HS6ST3: variants seen among roughly 807,000 people sequenced by gnomAD.
HS6ST3 encodes heparan-sulfate 6-O-sulfotransferase 3.
A neutral mutation model predicts 36.7 loss-of-function variants in HS6ST3; 12 were observed. That is an observed-to-expected ratio of 0.33 (90% CI 0.21 to 0.53). HS6ST3 has a LOEUF of 0.53. Among genes scored for constraint, HS6ST3 ranks in the 20% least tolerant of loss-of-function variants. The pLI is 0.95. For missense variants in HS6ST3, 584 were observed against 640.9 expected (o/e 0.91, Z 0.96); for synonymous variants, 240 against 257.5 (o/e 0.93, Z 0.65).
rs1008406360 is a variant in HS6ST3 at position 96,119,368 on chromosome 13, A to G, written c.707+27799A>G. 2.0e-5 allele frequency among the ~76,000 whole-genome samples: 3 copies of G among 152,174 alleles called. 1 individual carries two copies. Among genetic ancestry groups the G allele is most frequent in the Admixed American group, 2.0e-4 (3 of 15,276 alleles). ...GTGATGTTTTACTCAAATGCTTTCTAAGTACACTGATGATTATAGTATCTC... is the reference window on the plus strand; with the variant it reads ...GTGATGTTTTACTCAAATGCTTTCTGAGTACACTGATGATTATAGTATCTC... On this transcript the variant is annotated intron_variant, in intron 1 of 1. Coordinates refer to ENST00000376705, the MANE Select transcript of HS6ST3 (RefSeq NM_153456.4).
At chr13:96,762,574 G>A (rs1482765910) in intron 1 of HS6ST3, among the ~76,000 whole-genome samples, 7 of 152,296 alleles carry the variant, frequency 4.6e-5, no homozygotes, top group Non-Finnish European at 1.0e-4. Flanking sequence ...GGAAGGTGAT[G>A]GCTTCAGTTG....
rs573596772 is a variant in HS6ST3, at chr13:96,307,863, C to T, written c.707+216294C>T. On this transcript the variant is annotated intron_variant, in intron 1 of 1. Coordinates refer to ENST00000376705, the MANE Select transcript of HS6ST3 (RefSeq NM_153456.4). ...AGCTTGATTTGATTAATTATGCTTA[C>T]AAGCTGTTAGAGTGGGGGAAAAAGA... is the stretch of plus-strand genomic sequence containing the variant. 1.3e-4 allele frequency among the ~76,000 whole-genome samples: 20 copies of T among 152,160 alleles called. 1 individual carries two copies. The highest frequency in any genetic ancestry group is 4.6e-4 in the African/African-American group (19 of 41,538).
Position 96,495,245 on chromosome 13 carries a change from C to T in HS6ST3, c.708-337245C>T, listed in dbSNP as rs947928033. Among the ~76,000 whole-genome samples, 47 of 152,116 alleles carry T rather than the reference C, an allele frequency of 3.1e-4. 1 individual carries two copies. Among genetic ancestry groups the T allele is most frequent in the South Asian group, 2.1e-4 (1 of 4,828 alleles). ...TAACGAAAAGAGAACTCTTCTCTTT[C>T]GATACTGGCATAGAGGATGCCATAT... On this transcript the variant is annotated intron_variant, in intron 1 of 1. Transcript: ENST00000376705.
chr13:96,137,961 A>G (rs1236764305), intron 1 of HS6ST3, among the ~76,000 whole-genome samples: 1 of 152,226 alleles, frequency 6.6e-6, no homozygotes, highest in East Asian at 1.9e-4. Context: ...TAAAATGCTG[A>G]TAAGTAAGTG....
At chr13:96,332,058 C>T (rs1437080287) in intron 1 of HS6ST3, among the ~76,000 whole-genome samples, 1 of 152,314 alleles carries the variant, frequency 6.6e-6, no homozygotes, top group East Asian at 1.9e-4. Context: ...GGTGCACGCA[C>T]CCACTGACCT....
At chr13:96,246,275 T>G (rs1033933254) in intron 1 of HS6ST3, among the ~76,000 whole-genome samples, 1 of 152,096 alleles carries the variant, frequency 6.6e-6, no homozygotes, top group African/African-American at 2.4e-5. Flanking sequence ...GAAACGAGAT[T>G]CTCTTACTTA....
At chr13:96,280,010 T>G (rs2054767632) in intron 1 of HS6ST3, among the ~76,000 whole-genome samples, 1 of 152,206 alleles carries the variant, frequency 6.6e-6, no homozygotes, top group Non-Finnish European at 1.5e-5. Context: ...TCCTGTGGCT[T>G]CAACTGTATG....
intron 1 of HS6ST3, among the ~76,000 whole-genome samples, chr13:96,591,423 G>T (rs907818001): frequency 6.6e-6 from 1 of 151,886 alleles, no homozygotes; most frequent in African/African-American, 2.4e-5. Context: ...CTTTGGTTAA[G>T]TTAATTTCTA....
In HS6ST3 at chr13:96,799,980, A is replaced by ATGTATATATATATGTG. The variant is rs1566456830; in HGVS notation, c.708-32497_708-32496insGTGTGTATATATATAT. ...TATATATATGTGTATATATATATAT[A>ATGTATATATATATGTG]TGTATATATATATATATGTATATAT... On this transcript the variant is annotated intron_variant, in intron 1 of 1. Coordinates refer to ENST00000376705, the MANE Select transcript of HS6ST3 (RefSeq NM_153456.4). 3.5e-3 allele frequency among the ~76,000 whole-genome samples: 267 copies of ATGTATATATATATGTG among 76,604 alleles called. 13 individuals are homozygous for ATGTATATATATATGTG. Among genetic ancestry groups the ATGTATATATATATGTG allele is most frequent in the African/African-American group, 0.019 (260 of 13,744 alleles). 50.3% of individuals were successfully genotyped at this position (76,604 alleles called of 152,430 possible).
At chr13:96,658,265 C>CTTTTTTTTTTTTT in intron 1 of HS6ST3, among the ~76,000 whole-genome samples, 1 of 67,288 alleles carries the variant, frequency 1.5e-5, no homozygotes, top group East Asian at 6.1e-4. Context: ...TTCTCTTCTT[C>CTTTTTTTTTTTTT]TTCTTTTTTT....
intron 1 of HS6ST3, among the ~76,000 whole-genome samples, chr13:96,316,257 CTGTGTGTG>C (rs10534465): frequency 0.039 from 5,732 of 147,246 alleles, 166 homozygotes; most frequent in African/African-American, 0.08. Flanking sequence ...CTACATACAC[CTGTGTGTG>C]TGTGTGTGTG....
At chr13:96,350,667 C>T (rs1010362504) in intron 1 of HS6ST3, among the ~76,000 whole-genome samples, 11 of 152,148 alleles carry the variant, frequency 7.2e-5, no homozygotes, top group African/African-American at 2.4e-4. Flanking sequence ...GATCCTTTTA[C>T]TTTACCTAGT....
At chr13:96,572,387 T>C (rs1346080880) in intron 1 of HS6ST3, among the ~76,000 whole-genome samples, 1 of 152,214 alleles carries the variant, frequency 6.6e-6, no homozygotes, top group Non-Finnish European at 1.5e-5. Context: ...AAGTTTGAAA[T>C]AAATGAGATT....
chr13:96,428,557 C>T (rs564700166), intron 1 of HS6ST3, among the ~76,000 whole-genome samples: 1 of 152,084 alleles, frequency 6.6e-6, no homozygotes, highest in Non-Finnish European at 1.5e-5. Context: ...CTAACCTCCT[C>T]TTCTCAAAAG....
In HS6ST3 at chr13:96,090,877, C is replaced by G; in HGVS notation, c.15C>G (p.Phe5Leu). MDER[F>L]NKWLLTPVLT... ...AGAGCGGGACCATGGATGAAAGGTT[C>G]AACAAGTGGCTGCTGACGCCGGTGC... The change falls in exon 1 of 2, where the codon TTC becomes TTG. Residue 5 changes from phenylalanine to leucine, a missense_variant. This residue lies in a region of HS6ST3 where 217 missense variants were observed against 205.4 expected (regional missense o/e 1.06). Coordinates refer to ENST00000376705, the MANE Select transcript of HS6ST3 (RefSeq NM_153456.4). 1 of 1,512,784 alleles carries G rather than the reference C, an allele frequency of 6.6e-7. No individual in the cohort carries two copies. The highest frequency in any genetic ancestry group is 8.9e-7 in the Non-Finnish European group (1 of 1,125,286). The allele number at this position is 1,512,784 out of a possible 1,614,324, so 93.7% of individuals were successfully genotyped here.
At chr13:96,501,239 GA>G (rs1402314306) in intron 1 of HS6ST3, among the ~76,000 whole-genome samples, 1 of 152,106 alleles carries the variant, frequency 6.6e-6, no homozygotes, top group Non-Finnish European at 1.5e-5. Flanking sequence ...CTGTTTGCTC[GA>G]CAGAAGGGGT....
intron 1 of HS6ST3, among the ~76,000 whole-genome samples, chr13:96,259,610 T>C (rs186829562): frequency 1.2e-4 from 19 of 152,346 alleles, no homozygotes; most frequent in Admixed American, 1.1e-3. Flanking sequence ...CTAATTTTAC[T>C]ATAAAGATAG....
chr13:96,131,394 T>C (rs115685967), intron 1 of HS6ST3, among the ~76,000 whole-genome samples: 3,535 of 152,200 alleles, frequency 0.023, 137 homozygotes, highest in African/African-American at 0.081. Flanking sequence ...AAGTTAAACA[T>C]TTTATTGAGG....
At chr13:96,408,893 C>T (rs1332160359) in intron 1 of HS6ST3, among the ~76,000 whole-genome samples, 1 of 151,834 alleles carries the variant, frequency 6.6e-6, no homozygotes, top group Non-Finnish European at 1.5e-5. Flanking sequence ...CACTGCACTC[C>T]AGCTTTGGTG....
Sources: allele counts gnomAD v4.1 joint callset (sites outside exome capture counted in the v4.1 genomes callset), GRCh38; gene constraint gnomAD v4.1.1; regional missense constraint gnomAD v4.1.1; transcripts MANE v1.5; gene names NCBI Gene and HGNC (gene_info 2026-07-23, HGNC 2026-07-21).